Variants in ASAP1 observed in about 807,000 individuals in gnomAD.
ASAP1 encodes ArfGAP with SH3 domain, ankyrin repeat and PH domain 1.
ASAP1 carries 43 observed loss-of-function variants against 145.2 expected under a neutral mutation model. The observed-to-expected ratio is 0.30, with a 90% CI of 0.23 to 0.38. The LOEUF is 0.38. Among genes scored for constraint, ASAP1 ranks in the 10% least tolerant of loss-of-function variants. The pLI is 1.00. For synonymous variants in ASAP1, 546 were observed against 515.5 expected (o/e 1.06, Z -0.80); for missense variants, 1,018 against 1,355.3 (o/e 0.75, Z 3.91).
chr8:130,133,519 G>A (rs1300169321), intron 15 of ASAP1, among the ~76,000 whole-genome samples: 1 of 151,824 alleles, frequency 6.6e-6, no homozygotes, highest in East Asian at 1.9e-4. Flanking sequence ...AGCCGGGCGC[G>A]GTGGCGGGCG....
chr8:130,179,796 A>G (rs974516741), intron 8 of ASAP1, among the ~76,000 whole-genome samples: 8 of 152,160 alleles, frequency 5.3e-5, no homozygotes, highest in African/African-American at 1.4e-4. Context: ...ATTAAAGAAT[A>G]AAAGTAAGAA....
At chr8:130,330,095 C>G (rs529454553) in intron 3 of ASAP1, among the ~76,000 whole-genome samples, 1 of 152,268 alleles carries the variant, frequency 6.6e-6, no homozygotes, top group Admixed American at 6.5e-5. Context: ...TGAATCACTC[C>G]CACACACGTC....
intron 4 of ASAP1, among the ~76,000 whole-genome samples, chr8:130,235,587 C>T (rs770111412): frequency 3.9e-5 from 6 of 152,106 alleles, no homozygotes. Context: ...ATAACTTAGG[C>T]CAAGACCTAA....
At chr8:130,433,337 T>C (rs1830202515) in intron 1 of ASAP1, among the ~76,000 whole-genome samples, 1 of 152,210 alleles carries the variant, frequency 6.6e-6, no homozygotes, top group South Asian at 2.1e-4. Flanking sequence ...CCAGCTATTC[T>C]CAGCCTTGAA....
chr8:130,186,551 G>C, intron 7 of ASAP1, among the ~76,000 whole-genome samples: 1 of 152,082 alleles, frequency 6.6e-6, no homozygotes, highest in South Asian at 2.1e-4. Flanking sequence ...ACACAGTATC[G>C]AGATGGGCCG....
At chr8:130,092,721 C>G (rs2097508160) in intron 24 of ASAP1, among the ~76,000 whole-genome samples, 1 of 151,878 alleles carries the variant, frequency 6.6e-6, no homozygotes, top group African/African-American at 2.4e-5. Context: ...GAAAAACAAA[C>G]ACACACACAC....
intron 1 of ASAP1, among the ~76,000 whole-genome samples, chr8:130,440,328 G>A (rs776586418): frequency 1.3e-5 from 2 of 152,044 alleles, no homozygotes; most frequent in African/African-American, 4.8e-5. Flanking sequence ...TCAACACGGC[G>A]AAACCCCGTC....
chr8:130,308,484 G>C (rs972438563), intron 3 of ASAP1, among the ~76,000 whole-genome samples: 5 of 152,090 alleles, frequency 3.3e-5, no homozygotes, highest in Non-Finnish European at 5.9e-5. Flanking sequence ...AATAATTGTA[G>C]TATCTTAAGC....
intron 11 of ASAP1, among the ~76,000 whole-genome samples, chr8:130,161,060 G>A (rs549965289): frequency 1.3e-5 from 2 of 152,294 alleles, no homozygotes; most frequent in Non-Finnish European, 2.9e-5. Context: ...AGAAGAATGT[G>A]AGGCACACAC....
chr8:130,060,439 C>T (rs1466584064), intron 28 of ASAP1, 140 bp downstream of exon 28: 14 of 1,194,546 alleles, frequency 1.2e-5, no homozygotes, highest in Non-Finnish European at 1.5e-5. Flanking sequence ...TCTAATCCAC[C>T]ATCATGCTTG....
At chr8:130,391,126 T>C (rs1397149102) in intron 2 of ASAP1, among the ~76,000 whole-genome samples, 1 of 152,154 alleles carries the variant, frequency 6.6e-6, no homozygotes, top group African/African-American at 2.4e-5. Flanking sequence ...TTTTGATACA[T>C]GGTATAATAA....
chr8:130,380,299 A>C (rs1827707243), intron 2 of ASAP1, among the ~76,000 whole-genome samples: 1 of 152,232 alleles, frequency 6.6e-6, no homozygotes, highest in Non-Finnish European at 1.5e-5. Flanking sequence ...TGTGCACCTG[A>C]GAAGCAGGAT....
At chr8:130,106,449 C>G (rs1483655138) in intron 24 of ASAP1, among the ~76,000 whole-genome samples, 8 of 152,196 alleles carry the variant, frequency 5.3e-5, no homozygotes, top group African/African-American at 1.7e-4. Context: ...ACTCTTCTTC[C>G]TATCTACTGC....
chr8:130,330,507 A>G (rs1824617016), intron 3 of ASAP1, among the ~76,000 whole-genome samples: 1 of 152,260 alleles, frequency 6.6e-6, no homozygotes, highest in Non-Finnish European at 1.5e-5. Flanking sequence ...GACAGAAAGC[A>G]TGTCTAATTC....
chr8:130,063,530 T>A (rs1331688490), intron 27 of ASAP1, among the ~76,000 whole-genome samples: 2 of 152,066 alleles, frequency 1.3e-5, no homozygotes, highest in African/African-American at 2.4e-5. Flanking sequence ...CTGGCCCAGG[T>A]GACTCAACTC....
At chr8:130,201,527 C>A (rs1390311315) in intron 5 of ASAP1, among the ~76,000 whole-genome samples, 2 of 152,162 alleles carry the variant, frequency 1.3e-5, no homozygotes, top group African/African-American at 4.8e-5. Flanking sequence ...AACATCATCT[C>A]CTACATCAAG....
At chr8:130,233,974 A>G (rs1209680398) in intron 4 of ASAP1, among the ~76,000 whole-genome samples, 5 of 152,214 alleles carry the variant, frequency 3.3e-5, no homozygotes, top group Non-Finnish European at 2.9e-5. Context: ...CTGGGGAATA[A>G]TATTTTTTTA....
chr8:130,093,584 T>C (rs1269421266), intron 24 of ASAP1, among the ~76,000 whole-genome samples: 1 of 146,884 alleles, frequency 6.8e-6, no homozygotes, highest in Non-Finnish European at 1.5e-5. Flanking sequence ...GGAGAATCGC[T>C]TGAACCCAGG....
chr8:130,167,126 A>G (rs2097681481), intron 11 of ASAP1, among the ~76,000 whole-genome samples: 2 of 152,088 alleles, frequency 1.3e-5, no homozygotes, highest in Admixed American at 1.3e-4. Context: ...CAACATGGTC[A>G]AACTCCATCT....
Sources: allele counts gnomAD v4.1 joint callset (sites outside exome capture counted in the v4.1 genomes callset), GRCh38; gene constraint gnomAD v4.1.1; transcripts MANE v1.5; gene names NCBI Gene and HGNC (gene_info 2026-07-23, HGNC 2026-07-21).